The following DCHS2 variants were observed in gnomAD, a reference collection of about 807,000 sequenced individuals.
DCHS2 encodes the protein protocadherin-23.
Under a neutral mutation model 182.4 loss-of-function variants are expected in DCHS2, and 142 were observed. The ratio of observed to expected loss-of-function variants is 0.78; its 90% CI spans 0.68 to 0.89. DCHS2 has a LOEUF of 0.89. DCHS2 is among the 40% of genes least tolerant of loss of function. DCHS2 has a pLI of 0.00. For missense variants in DCHS2, 4,319 were observed against 4,198.6 expected, an observed-to-expected ratio of 1.03 and a Z score of -0.79; for synonymous variants, 1,740 against 1,663.3, an observed-to-expected ratio of 1.05 and a Z score of -1.12.
intron 10 of DCHS2, 68 bp downstream of exon 10, chr4:154,315,680 A>C: frequency 6.4e-7 from 1 of 1,562,268 alleles, no homozygotes; most frequent in Non-Finnish European, 8.6e-7. Flanking sequence ...ACTATTATAA[A>C]TTACGTCAAT....
chr4:154,405,917 T>C (rs1455686571), intron 1 of DCHS2, among the ~76,000 whole-genome samples: 1 of 152,270 alleles, frequency 6.6e-6, no homozygotes, highest in Admixed American at 6.5e-5. Context: ...TGAATTATGT[T>C]GTCTCCCTTT....
intron 10 of DCHS2, among the ~76,000 whole-genome samples, chr4:154,311,522 A>T (rs1001318926): frequency 2.0e-5 from 3 of 152,168 alleles, no homozygotes; most frequent in Non-Finnish European, 2.9e-5. Flanking sequence ...GGCATGAGCC[A>T]CCGTGCCCAG....
chr4:154,237,209 A>C (rs758554416), intron 19 of DCHS2, 50 bp from the exon 20 acceptor site: 2 of 1,531,114 alleles, frequency 1.3e-6, no homozygotes, highest in South Asian at 2.6e-5. Context: ...AGTTTTGATG[A>C]TCCATTTAAT....
At chr4:154,400,242 G>A (rs1238397988) in intron 1 of DCHS2, among the ~76,000 whole-genome samples, 4 of 145,926 alleles carry the variant, frequency 2.7e-5, no homozygotes, top group African/African-American at 1.0e-4. Flanking sequence ...GGCGGAGCCT[G>A]CAGGGAGCCG....
chr4:154,307,576 G>A (rs549473396), intron 10 of DCHS2, among the ~76,000 whole-genome samples: 202 of 152,256 alleles, frequency 1.3e-3, no homozygotes, highest in African/African-American at 4.7e-3. Context: ...CCGGCCCCAT[G>A]AGCTATTCCT....
intron 3 of DCHS2, among the ~76,000 whole-genome samples, chr4:154,353,462 T>G (rs949228497): frequency 3.9e-5 from 6 of 152,176 alleles, no homozygotes; most frequent in Non-Finnish European, 7.3e-5. Context: ...AACCATATGT[T>G]GTGTATAAGA....
chr4:154,391,411 G>A, intron 1 of DCHS2: 2 of 1,399,292 alleles, frequency 1.4e-6, no homozygotes, highest in South Asian at 1.6e-5. Flanking sequence ...TCCACTTGCA[G>A]CATAAAGAAA....
Position 154,233,111 on chromosome 4 carries a change from A to G in DCHS2, c.*1425T>C, listed in dbSNP as rs1347294210. ...GGAACTATATCTGTAGTAGAAGCCC[A>G]TCCTAACTACTAAGAAAGCCACACG... is the stretch of plus-strand genomic sequence containing the variant. On this transcript the variant is annotated 3_prime_UTR_variant, in exon 20 of 20. Coordinates refer to ENST00000357232, the MANE Select transcript of DCHS2 (RefSeq NM_001358235.2). 1.3e-5 allele frequency: 2 copies of G among 152,216 alleles called. No individual in the cohort carries two copies. Among genetic ancestry groups the G allele is most frequent in the Non-Finnish European group, 2.9e-5 (2 of 68,042 alleles). The allele number at this position is 152,216 out of a possible 1,614,324, so 9.4% of individuals were successfully genotyped here.
rs373453994 is a variant in DCHS2 at position 154,433,499 on chromosome 4, A to T, written c.2052+55805T>A. Among the ~76,000 whole-genome samples, 3 of 140,790 alleles carry T rather than the reference A, an allele frequency of 2.1e-5. No homozygotes were observed. In the East Asian group the frequency reaches 6.2e-4, roughly 29 times the overall value. 92.4% of individuals were successfully genotyped at this position (140,790 alleles called of 152,430 possible). A position where few individuals can be genotyped will look rare whatever the true frequency, so the allele number is the denominator to read the frequency against. ...AACCTCTGCTTCCCGTGTTCAAGTG[A>T]TTCTTCTGACTCAGCCTCCCAAGTA... On this transcript the variant is annotated intron_variant, in intron 1 of 19. Transcript: ENST00000357232.
Position 154,370,405 on chromosome 4 carries a change from G to A in DCHS2, c.2245-3964C>T, listed in dbSNP as rs1252335746. ...TTTTAGGAGACTTGCTGTGAAGAAA[G>A]AAGAAGAATAAAATGGTTTTCTGAA... On this transcript the variant is annotated intron_variant, in intron 2 of 19. Coordinates refer to ENST00000357232, the MANE Select transcript of DCHS2 (RefSeq NM_001358235.2). Among the ~76,000 whole-genome samples the A allele has an allele frequency of 3.3e-5, 5 of 152,094 alleles. No homozygotes were observed. In the East Asian group the frequency reaches 9.7e-4, roughly 29 times the overall value.
chr4:154,389,308 C>T (rs1731562999), intron 1 of DCHS2, among the ~76,000 whole-genome samples: 1 of 151,838 alleles, frequency 6.6e-6, no homozygotes, highest in Admixed American at 6.6e-5. Context: ...GGCCATGTGC[C>T]ATGGTTTGCT....
intron 15 of DCHS2, among the ~76,000 whole-genome samples, chr4:154,258,225 T>C (rs1455795039): frequency 2.0e-5 from 3 of 152,112 alleles, no homozygotes; most frequent in Non-Finnish European, 4.4e-5. Flanking sequence ...CCTGCAGTCA[T>C]AGCCTAGGGG....
intron 15 of DCHS2, among the ~76,000 whole-genome samples, chr4:154,256,400 G>T (rs1732669139): frequency 6.6e-6 from 1 of 152,116 alleles, no homozygotes; most frequent in South Asian, 2.1e-4. Context: ...CTCCCAAAGT[G>T]CTGGGATAAC....
chr4:154,451,926 C>A (rs112930250), intron 1 of DCHS2, among the ~76,000 whole-genome samples: 1 of 152,172 alleles, frequency 6.6e-6, no homozygotes, highest in African/African-American at 2.4e-5. Flanking sequence ...TTGTGTCCCA[C>A]GTGCATGCTC....
At chr4:154,294,039 T>G (rs1034691711) in intron 13 of DCHS2, among the ~76,000 whole-genome samples, 7 of 152,160 alleles carry the variant, frequency 4.6e-5, no homozygotes, top group Admixed American at 2.0e-4. Flanking sequence ...TAAAATGATA[T>G]CAACAGACAT....
chr4:154,419,065 C>CAAAAAAAAAAAA (rs1560747126), intron 1 of DCHS2, among the ~76,000 whole-genome samples: 124 of 152,294 alleles, frequency 8.1e-4, no homozygotes, highest in African/African-American at 2.7e-3. Flanking sequence ...GTAATAGCTA[C>CAAAAAAAAAAAA]AAAAATAGGC....
intron 1 of DCHS2, among the ~76,000 whole-genome samples, chr4:154,418,946 C>A (rs932258220): frequency 6.6e-6 from 1 of 152,176 alleles, no homozygotes; most frequent in East Asian, 1.9e-4. Context: ...GAATGCTGAA[C>A]ATGAATGAAT....
rs762197582 is a variant in DCHS2 at position 154,329,524 on chromosome 4, T to C, written c.3917A>G (p.Lys1306Arg). 6.2e-7 allele frequency: 1 copy of C among 1,612,528 alleles called. No homozygotes were observed. Reference sequence around the variant, plus strand: ...TCATTGCAAGGTTTCTTCACAAACCTTCACGTGTAACTCCTTTCCAGGGAG... The same window carrying C: ...TCATTGCAAGGTTTCTTCACAAACCCTCACGTGTAACTCCTTTCCAGGGAG... ...QCLPGKELHV[K>R]VLEGQPVNML... Residue 1306 changes from lysine (K) to arginine (R), a missense_variant and splice_region_variant, in exon 6 of 20, where the codon AAG (lysine) becomes AGG (arginine). Physicochemically the swap from Lys to Arg is conservative, Grantham distance 26. Transcript: ENST00000357232.
intron 1 of DCHS2, among the ~76,000 whole-genome samples, chr4:154,397,915 T>A (rs1378436747): frequency 6.6e-6 from 1 of 152,154 alleles, no homozygotes; most frequent in Non-Finnish European, 1.5e-5. Context: ...TATCTGCTCA[T>A]CTCTGTGTTG....
Sources: gnomAD v4.1 joint callset for allele counts (sites outside exome capture counted in the v4.1 genomes callset) on GRCh38, gnomAD v4.1.1 for gene constraint, MANE v1.5 for transcripts, NCBI Gene and HGNC (gene_info 2026-07-23, HGNC 2026-07-21) for gene names.